SGCZ: variants seen among roughly 807,000 people sequenced by gnomAD.
SGCZ encodes sarcoglycan zeta.
In SGCZ, 40 loss-of-function variants were observed where a neutral mutation model predicts 41.3. The ratio of observed to expected loss-of-function variants is 0.97; its 90% CI spans 0.75 to 1.26. The LOEUF is 1.26. Among genes scored for constraint, SGCZ ranks in the 50% most tolerant of loss-of-function variants. The probability of loss-of-function intolerance (pLI) is 0.00; values close to 1 mark genes in which losing one functional copy is unlikely to be tolerated. For synonymous variants in SGCZ, 206 were observed against 137.5 expected (o/e 1.50, Z -3.49); for missense variants, 552 against 369.8 (o/e 1.49, Z -4.04).
At chr8:14,118,792 T>A (rs938569608) in intron 5 of SGCZ, among the ~76,000 whole-genome samples, 7 of 152,292 alleles carry the variant, frequency 4.6e-5, no homozygotes, top group Non-Finnish European at 8.8e-5. Flanking sequence ...CTAGCCAGTT[T>A]TCCCAACAGC....
At chr8:14,800,557 T>G (rs750291241) in intron 1 of SGCZ, among the ~76,000 whole-genome samples, 9 of 152,184 alleles carry the variant, frequency 5.9e-5, no homozygotes, top group Non-Finnish European at 1.5e-5. Context: ...TTAAGTCATG[T>G]GGGTGAACTT....
intron 1 of SGCZ, among the ~76,000 whole-genome samples, chr8:15,184,935 G>T (rs1800291327): frequency 6.6e-6 from 1 of 151,994 alleles, no homozygotes; most frequent in Non-Finnish European, 1.5e-5. Flanking sequence ...CTCCTGACTG[G>T]CAAATGGAGA....
chr8:14,894,056 C>G (rs766729959), intron 1 of SGCZ, among the ~76,000 whole-genome samples: 5 of 152,080 alleles, frequency 3.3e-5, no homozygotes, highest in Non-Finnish European at 5.9e-5. Flanking sequence ...AGTCCCTTCA[C>G]AGAAAATATA....
intron 1 of SGCZ, among the ~76,000 whole-genome samples, chr8:14,901,430 G>A (rs1244188230): frequency 1.3e-5 from 2 of 152,156 alleles, no homozygotes; most frequent in Non-Finnish European, 2.9e-5. Context: ...AATACATTAA[G>A]AGAATAAAAC....
intron 1 of SGCZ, among the ~76,000 whole-genome samples, chr8:15,214,856 C>T (rs1459994363): frequency 3.3e-5 from 5 of 152,108 alleles, no homozygotes; most frequent in South Asian, 2.1e-4. Context: ...AAATGAAAAC[C>T]GCAAACTCAG....
rs186029877 is a variant in SGCZ, at chr8:15,090,783, G to T, written c.39+146802C>A. Among the ~76,000 whole-genome samples the T allele has an allele frequency of 1.1e-3, 163 of 152,220 alleles. 2 individuals are homozygous for T. Among genetic ancestry groups the T allele is most frequent in the Admixed American group, 9.2e-3 (140 of 15,284 alleles). On this transcript the variant is annotated intron_variant, in intron 1 of 7. Coordinates refer to ENST00000382080, the MANE Select transcript of SGCZ (RefSeq NM_139167.4). ...AATCTCACCATCTCTTATCATTTTT[G>T]TTTTCATGCCAAACAGGTGTGTGGA... is the stretch of plus-strand genomic sequence containing the variant.
chr8:14,835,775 C>A (rs889682561), intron 1 of SGCZ, among the ~76,000 whole-genome samples: 1 of 152,138 alleles, frequency 6.6e-6, no homozygotes, highest in African/African-American at 2.4e-5. Flanking sequence ...AGGCCAAAAG[C>A]CACTGATTCT....
chr8:14,926,700 G>A (rs369744285), intron 1 of SGCZ, among the ~76,000 whole-genome samples: 3 of 152,008 alleles, frequency 2.0e-5, no homozygotes, highest in Non-Finnish European at 4.4e-5. Context: ...GAGTGCAGTG[G>A]CATGATCTCA....
intron 1 of SGCZ, among the ~76,000 whole-genome samples, chr8:15,068,785 T>C (rs1805244860): frequency 6.6e-6 from 1 of 152,194 alleles, no homozygotes; most frequent in Non-Finnish European, 1.5e-5. Context: ...AATTCTCTCA[T>C]TTAAAAAATG....
intron 2 of SGCZ, among the ~76,000 whole-genome samples, chr8:14,439,936 T>C (rs536951001): frequency 1.3e-5 from 2 of 152,088 alleles, no homozygotes; most frequent in Non-Finnish European, 2.9e-5. Flanking sequence ...TAAACTGCTT[T>C]CCCTAATATT....
At position 14,320,817 on chromosome 8, in the gene SGCZ, A is replaced by G. The variant is rs575381313; in HGVS notation, c.336+3286T>C. Among the ~76,000 whole-genome samples the G allele has an allele frequency of 2.0e-5, 3 of 152,218 alleles. No individual in the cohort carries two copies. The East Asian group carries it at 5.8e-4, about 29-fold the overall frequency. ...GTGGTGAGATACCACCTCACCTAAGAGTCCTTGAACAGGAAACAAACAAAC... is the reference window on the plus strand; with the variant it reads ...GTGGTGAGATACCACCTCACCTAAGGGTCCTTGAACAGGAAACAAACAAAC... On this transcript the variant is annotated intron_variant, in intron 3 of 7. Coordinates refer to ENST00000382080, the MANE Select transcript of SGCZ (RefSeq NM_139167.4).
chr8:15,089,792 G>A (rs895951967), intron 1 of SGCZ, among the ~76,000 whole-genome samples: 5 of 152,108 alleles, frequency 3.3e-5, no homozygotes, highest in Admixed American at 1.3e-4. Flanking sequence ...CTTAGCTACT[G>A]GTGTGGATCA....
intron 1 of SGCZ, among the ~76,000 whole-genome samples, chr8:15,187,093 G>T (rs1389562507): frequency 6.6e-6 from 1 of 152,086 alleles, no homozygotes; most frequent in Non-Finnish European, 1.5e-5. Context: ...CTTTAAAGAA[G>T]AAGGCAATTT....
intron 1 of SGCZ, among the ~76,000 whole-genome samples, chr8:14,926,283 CG>C (rs1240402276): frequency 2.0e-5 from 3 of 152,046 alleles, no homozygotes; most frequent in East Asian, 1.9e-4. Context: ...AAAAGATCAT[CG>C]AAAAAATATT....
At position 14,559,367 on chromosome 8, in the gene SGCZ, G is replaced by A. The variant is rs192599527; in HGVS notation, c.40-4441C>T. Among the ~76,000 whole-genome samples the A allele has an allele frequency of 1.1e-4, 16 of 151,884 alleles. 1 individual carries two copies. The highest frequency in any genetic ancestry group is 3.4e-4 in the African/African-American group (14 of 41,490). On this transcript the variant is annotated intron_variant, in intron 1 of 7. Transcript: ENST00000382080. ...AAGCTGAGAATCAAATCAAGAACTC[G>A]ACCCCTTTTACCATAGAGCAAAAAA... is the stretch of plus-strand genomic sequence containing the variant.
chr8:15,205,532 T>C (rs2117145135), intron 1 of SGCZ, among the ~76,000 whole-genome samples: 1 of 151,880 alleles, frequency 6.6e-6, no homozygotes, highest in South Asian at 2.1e-4. Context: ...ATTAGAGAAA[T>C]GCAAATAAAA....
intron 1 of SGCZ, among the ~76,000 whole-genome samples, chr8:14,994,608 A>C (rs1802148952): frequency 6.6e-6 from 1 of 151,538 alleles, no homozygotes; most frequent in Non-Finnish European, 1.5e-5. Flanking sequence ...AAGAAGAAGA[A>C]AGGGTAACCA....
At position 14,431,502 on chromosome 8, in the gene SGCZ, A is replaced by C. The variant is rs534139722; in HGVS notation, c.235-107298T>G. Among the ~76,000 whole-genome samples, 4 of 152,268 alleles carry C rather than the reference A, an allele frequency of 2.6e-5. No individual in the cohort carries two copies. The East Asian group carries it at 7.7e-4, about 29-fold the overall frequency. On this transcript the variant is annotated intron_variant, in intron 2 of 7. Coordinates refer to ENST00000382080, the MANE Select transcript of SGCZ (RefSeq NM_139167.4). ...GGCCAGCCACATGTAGGAGAATGAA[A>C]CTGGATCTTCACCTCTCACCTTATA... is the stretch of plus-strand genomic sequence containing the variant.
At chr8:14,714,600 C>G (rs1417715606) in intron 1 of SGCZ, among the ~76,000 whole-genome samples, 2 of 151,984 alleles carry the variant, frequency 1.3e-5, no homozygotes, top group Non-Finnish European at 2.9e-5. Context: ...TCATGGCACA[C>G]TTATCTTTGT....
Sources: allele counts gnomAD v4.1 joint callset (sites outside exome capture counted in the v4.1 genomes callset), GRCh38; gene constraint gnomAD v4.1.1; transcripts MANE v1.5; gene names NCBI Gene and HGNC (gene_info 2026-07-23, HGNC 2026-07-21).